PCDH15: variants seen among roughly 807,000 people sequenced by gnomAD.
The protein encoded by PCDH15 is protocadherin related 15, also known as protocadherin-15.
PCDH15 carries 129 observed loss-of-function variants against 178.5 expected under a neutral mutation model. That is an observed-to-expected ratio of 0.72 (90% CI 0.63 to 0.84). The LOEUF is 0.84. Ranked by LOEUF, PCDH15 falls within the 40% of genes least tolerant of loss-of-function variation. PCDH15 has a pLI of 0.00. For missense variants in PCDH15, 2,230 were observed against 2,099.9 expected, an observed-to-expected ratio of 1.06 and a Z score of -1.21; for synonymous variants, 800 against 732.0, an observed-to-expected ratio of 1.09 and a Z score of -1.50.
chr10:54,493,303 C>A lies in PCDH15; in HGVS notation c.157+34509G>T, dbSNP rs1385939430. Among the ~76,000 whole-genome samples, 9 of 149,688 alleles carry A rather than the reference C, an allele frequency of 6.0e-5. No individual in the cohort carries two copies. The East Asian group carries it at 1.9e-3, about 31-fold the overall frequency. On this transcript the variant is annotated intron_variant, in intron 3 of 37. Transcript: ENST00000644397. ...AGAGGGGACTAATGTATTTTCATTT[C>A]TCTGGGGGTGGGGGCAAACAAAACT... is the stretch of plus-strand genomic sequence containing the variant.
At chr10:55,128,736 A>C (rs1017643738) in intron 2 of PCDH15, among the ~76,000 whole-genome samples, 1 of 151,978 alleles carries the variant, frequency 6.6e-6, no homozygotes, top group East Asian at 1.9e-4. Context: ...TTCACTTGAC[A>C]AACAATTTAG....
At chr10:55,391,401 G>A (rs1005239138) in intron 2 of PCDH15, among the ~76,000 whole-genome samples, 19 of 151,872 alleles carry the variant, frequency 1.3e-4, no homozygotes, top group South Asian at 2.1e-4. Flanking sequence ...TCTTCTGTTC[G>A]GATGACTAAA....
At chr10:54,579,303 G>T (rs868268946) in intron 2 of PCDH15, among the ~76,000 whole-genome samples, 28 of 152,020 alleles carry the variant, frequency 1.8e-4, no homozygotes, top group Admixed American at 1.8e-3. Flanking sequence ...GGAGAAAGAT[G>T]TATCATGCAA....
chr10:54,554,715 A>G (rs556562725), intron 2 of PCDH15, among the ~76,000 whole-genome samples: 1 of 152,216 alleles, frequency 6.6e-6, no homozygotes, highest in African/African-American at 2.4e-5. Context: ...GACAGGACCT[A>G]AACCCTCTCA....
chr10:54,890,073 C>G (rs950720274), intron 3 of PCDH15, among the ~76,000 whole-genome samples: 1 of 151,854 alleles, frequency 6.6e-6, no homozygotes, highest in Non-Finnish European at 1.5e-5. Context: ...GCCCTATATT[C>G]CCATATTGCA....
At chr10:54,090,131 T>A in intron 15 of PCDH15, 68 bp from the exon 16 acceptor site, 1 of 1,243,174 alleles carries the variant, frequency 8.0e-7, no homozygotes, top group Non-Finnish European at 1.2e-6. Context: ...CAGAGTAATA[T>A]AAAAGCTTGA....
intron 2 of PCDH15, among the ~76,000 whole-genome samples, chr10:55,604,461 C>A (rs551548136): frequency 8.8e-4 from 133 of 151,198 alleles, no homozygotes; most frequent in Middle Eastern, 6.8e-3. Flanking sequence ...AGCACCACAC[C>A]ACACCTATTC....
At chr10:54,303,390 A>G (rs1456380898) in intron 8 of PCDH15, among the ~76,000 whole-genome samples, 2 of 152,054 alleles carry the variant, frequency 1.3e-5, no homozygotes, top group Non-Finnish European at 2.9e-5. Flanking sequence ...CATATCCCAT[A>G]TGTACATATA....
At chr10:54,804,045 C>T (rs928509246), upstream of PCDH15, among the ~76,000 whole-genome samples, 2 of 145,202 alleles carry the variant, frequency 1.4e-5, no homozygotes, top group Admixed American at 6.9e-5. Flanking sequence ...AAAAAATTTT[C>T]TTTTTTTTTT....
At position 54,359,271 on chromosome 10, in the gene PCDH15, A is replaced by AAAAAAAC. The variant is rs1554926925; in HGVS notation, c.474+9848_474+9849insGTTTTTT. 1.4e-4 allele frequency among the ~76,000 whole-genome samples: 21 copies of AAAAAAAC among 150,932 alleles called. No individual in the cohort carries two copies. In the South Asian group the frequency reaches 2.3e-3, roughly 16 times the overall value. ...TTAAATAAACCTTTAAAAAACTAAAAAAAAACAAAAACTAAAACCATCTGA... is the reference window on the plus strand; with the variant it reads ...TTAAATAAACCTTTAAAAAACTAAAAAAAAAACAAAAACAAAAACTAAAACCATCTGA... On this transcript the variant is annotated intron_variant, in intron 5 of 37. Coordinates refer to ENST00000644397, the MANE Select transcript of PCDH15 (RefSeq NM_001384140.1).
chr10:54,898,147 G>A (rs1049585446), intron 2 of PCDH15, among the ~76,000 whole-genome samples: 5 of 151,988 alleles, frequency 3.3e-5, no homozygotes, highest in African/African-American at 7.2e-5. Context: ...GCAGATGCTG[G>A]CACAATGCTT....
chr10:54,462,402 C>T (rs1252025514), intron 3 of PCDH15, among the ~76,000 whole-genome samples: 1 of 151,644 alleles, frequency 6.6e-6, no homozygotes, highest in African/African-American at 2.4e-5. Context: ...CAATTTTCTT[C>T]CATCTGAATA....
At chr10:54,352,579 T>C (rs1944348687) in intron 5 of PCDH15, among the ~76,000 whole-genome samples, 1 of 152,170 alleles carries the variant, frequency 6.6e-6, no homozygotes, top group Non-Finnish European at 1.5e-5. Flanking sequence ...TAATGATGAT[T>C]TGATGAAAGA....
At chr10:53,940,342 A>G (rs955743673) in intron 24 of PCDH15, among the ~76,000 whole-genome samples, 6 of 152,176 alleles carry the variant, frequency 3.9e-5, no homozygotes, top group African/African-American at 1.4e-4. Flanking sequence ...TTAATCATGA[A>G]TTGTATGTCT....
chr10:54,581,558 T>A (rs898858007), intron 2 of PCDH15, among the ~76,000 whole-genome samples: 8 of 152,030 alleles, frequency 5.3e-5, no homozygotes, highest in African/African-American at 1.9e-4. Flanking sequence ...ATGCCATTTT[T>A]AACAGAAATA....
At position 55,274,382 on chromosome 10, in the gene PCDH15, T is replaced by C. The variant is rs573339676; in HGVS notation, c.-156+45217A>G. Among the ~76,000 whole-genome samples, 4 of 152,188 alleles carry C rather than the reference T, an allele frequency of 2.6e-5. No homozygotes were observed. The East Asian group carries it at 7.7e-4, about 29-fold the overall frequency. ...TTAAAGCATACTCTCCCTACACATT[T>C]AACTGAAGAGGAAATGATATTTTCT... On this transcript the variant is annotated intron_variant, in intron 1 of 5. Coordinates refer to the PCDH15 transcript ENST00000458638.
chr10:55,408,238 T>C (rs1588997604), intron 2 of PCDH15, among the ~76,000 whole-genome samples: 1 of 151,566 alleles, frequency 6.6e-6, no homozygotes, highest in Non-Finnish European at 1.5e-5. Flanking sequence ...GAGGCTGGAG[T>C]GCAGTGGTGC....
chr10:54,664,404 G>A (rs1201066093), intron 1 of PCDH15, 114 bp from the exon 2 acceptor site: 4 of 700,034 alleles, frequency 5.7e-6, no homozygotes, highest in African/African-American at 1.8e-5. Context: ...AATTACCTGT[G>A]CCACATTATC....
chr10:54,548,284 C>T (rs1779449209), intron 2 of PCDH15, among the ~76,000 whole-genome samples: 1 of 148,024 alleles, frequency 6.8e-6, no homozygotes. Context: ...ATCATAGAGA[C>T]ATAAAAATAT....
Sources: allele counts gnomAD v4.1 joint callset (sites outside exome capture counted in the v4.1 genomes callset), GRCh38; gene constraint gnomAD v4.1.1; transcripts MANE v1.5; gene names NCBI Gene and HGNC (gene_info 2026-07-23, HGNC 2026-07-21).